The following MC2R variants were observed in gnomAD, a reference collection of about 807,000 sequenced individuals.
MC2R encodes the protein melanocortin 2 receptor.
Under a neutral mutation model 9.8 loss-of-function variants are expected in MC2R, and 9 were observed. The observed-to-expected ratio is 0.92, with a 90% confidence interval of 0.55 to 1.60. The LOEUF (loss-of-function observed/expected upper bound fraction) is 1.60, where lower values mean the gene tolerates loss of function less well. Ranked by LOEUF, MC2R falls within the 40% of genes most tolerant of loss-of-function variation. The pLI is 0.00. For missense variants in MC2R, 370 were observed against 389.0 expected, an observed-to-expected ratio of 0.95 and a Z score of 0.41; for synonymous variants, 185 against 154.7, an observed-to-expected ratio of 1.20 and a Z score of -1.45.
At chr18:13,909,310 C>A (rs2045431563) in intron 1 of MC2R, among the ~76,000 whole-genome samples, 1 of 152,230 alleles carries the variant, frequency 6.6e-6, no homozygotes. Flanking sequence ...CATCAAGGGA[C>A]ACGCTATCAA....
At chr18:13,890,251 G>A (rs116214780) in intron 1 of MC2R, among the ~76,000 whole-genome samples, 1,885 of 152,276 alleles carry the variant, frequency 0.012, 24 homozygotes, top group African/African-American at 0.043. Context: ...GGCTGCAGGC[G>A]TCCTGGGGCC....
chr18:13,906,224 A>T (rs2045413433), intron 1 of MC2R, among the ~76,000 whole-genome samples: 1 of 152,272 alleles, frequency 6.6e-6, no homozygotes, highest in South Asian at 2.1e-4. Flanking sequence ...TATGGTACAC[A>T]TACATCATGG....
At chr18:13,906,667 C>CTG (rs2045416421) in intron 1 of MC2R, among the ~76,000 whole-genome samples, 1 of 152,244 alleles carries the variant, frequency 6.6e-6, no homozygotes, top group Admixed American at 6.5e-5. Context: ...TGAGAGCTGA[C>CTG]AAACAAATTC....
At chr18:13,887,474 C>T (rs184342229) in intron 1 of MC2R, among the ~76,000 whole-genome samples, 3 of 152,166 alleles carry the variant, frequency 2.0e-5, no homozygotes, top group East Asian at 1.9e-4. Flanking sequence ...GGGGAAGCAT[C>T]GGTGATGGGA....
Position 13,885,151 on chromosome 18 carries a change from A to G in MC2R, c.368T>C (p.Val123Ala). The change falls in exon 2 of 2, where the codon GTG becomes GCG. Residue 123 changes from valine (V) to alanine (A), a missense_variant. Val to Ala is a moderately conservative substitution (Grantham distance 64, BLOSUM62 0). Coordinates refer to ENST00000327606, the MANE Select transcript of MC2R (RefSeq NM_000529.2). ...GGTGATGTAGCGGTCCGCAGCAATC[A>G]CAGACAGGCTGAAGATGGAGCCAAG... ...SLLGSIFSLS[V>A]IAADRYITIF... is the part of the protein sequence containing the mutation. The G allele has an allele frequency of 6.2e-7, 1 of 1,614,194 alleles. No individual in the cohort carries two copies. Among genetic ancestry groups the G allele is most frequent in the Non-Finnish European group, 8.5e-7 (1 of 1,180,046 alleles).
At chr18:13,910,896 C>T (rs1358108142) in intron 1 of MC2R, among the ~76,000 whole-genome samples, 3 of 152,248 alleles carry the variant, frequency 2.0e-5, no homozygotes, top group African/African-American at 4.8e-5. Context: ...GTCTCTCCTA[C>T]AAAACCAACA....
chr18:13,886,728 C>T lies in MC2R; in HGVS notation c.-128-1082G>A, dbSNP rs566599056. 1.4e-4 allele frequency among the ~76,000 whole-genome samples: 21 copies of T among 152,250 alleles called. No individual in the cohort carries two copies. The East Asian group carries it at 2.1e-3, about 15-fold the overall frequency. ...ATTTTCTGTGTCTCTGGGGTGAAGGCGGACTGCGGCAGTGCACCAGTGGGG... is the reference window on the plus strand; with the variant it reads ...ATTTTCTGTGTCTCTGGGGTGAAGGTGGACTGCGGCAGTGCACCAGTGGGG... On this transcript the variant is annotated intron_variant, in intron 1 of 1. Transcript: ENST00000327606.
At chr18:13,896,249 T>C (rs2045345676) in intron 1 of MC2R, among the ~76,000 whole-genome samples, 1 of 152,184 alleles carries the variant, frequency 6.6e-6, no homozygotes, top group Admixed American at 6.5e-5. Context: ...TTTCTGGGGT[T>C]CCATTTGGTG....
chr18:13,901,762 C>A (rs188633789), intron 1 of MC2R, among the ~76,000 whole-genome samples: 1 of 152,156 alleles, frequency 6.6e-6, no homozygotes, highest in East Asian at 1.9e-4. Flanking sequence ...TAAAGAAAAG[C>A]CTGTGACCTA....
At chr18:13,888,704 G>A (rs2045293850) in intron 1 of MC2R, among the ~76,000 whole-genome samples, 1 of 152,208 alleles carries the variant, frequency 6.6e-6, no homozygotes. Context: ...AGTAGGATTT[G>A]TAAATTCTGC....
At position 13,884,130 on chromosome 18, in the gene MC2R, A is replaced by G. The variant is rs1243855212; in HGVS notation, c.*495T>C. On this transcript the variant is annotated 3_prime_UTR_variant, in exon 2 of 2. Transcript: ENST00000327606. The stretch of plus-strand genomic sequence containing the variant: ...TCCAATTTATTATTGGCTTACAGAG[A>G]CCCTACATCTTCTGCCTGGAGTCGC... 5.0e-6 allele frequency: 1 copy of G among 201,136 alleles called. No individual in the cohort carries two copies. Among genetic ancestry groups the G allele is most frequent in the Non-Finnish European group, 1.0e-5 (1 of 97,842 alleles). The allele number at this position is 201,136 out of a possible 1,614,324, so 12.5% of individuals were successfully genotyped here.
intron 1 of MC2R, among the ~76,000 whole-genome samples, chr18:13,892,119 C>T (rs1437956357): frequency 2.0e-5 from 3 of 152,272 alleles, no homozygotes; most frequent in African/African-American, 7.2e-5. Context: ...GGGCCCTTCA[C>T]CATCATGCAG....
At chr18:13,915,081 C>T (rs778863926) in intron 1 of MC2R, among the ~76,000 whole-genome samples, 18 of 152,222 alleles carry the variant, frequency 1.2e-4, no homozygotes, top group South Asian at 4.1e-4. Context: ...GTCTTTGTGG[C>T]GCTAAAACCC....
chr18:13,891,339 G>A (rs2045314599), intron 1 of MC2R, among the ~76,000 whole-genome samples: 1 of 152,108 alleles, frequency 6.6e-6, no homozygotes, highest in South Asian at 2.1e-4. Context: ...TGTATTGATA[G>A]TTATTTGGTT....
rs1440869825 is a variant in MC2R at position 13,882,447 on chromosome 18, A to T, written c.*2178T>A. 6.6e-6 allele frequency: 1 copy of T among 152,200 alleles called. No homozygotes were observed. The highest frequency in any genetic ancestry group is 1.5e-5 in the Non-Finnish European group (1 of 68,036). The allele number at this position is 152,200 out of a possible 1,614,324, so 9.4% of individuals were successfully genotyped here. On this transcript the variant is annotated 3_prime_UTR_variant, in exon 2 of 2. Transcript: ENST00000327606. ...CTCAGACTTCATTTTTGTTTCATCCACCATTAGACTAGCCATCTTCATTTT... is the reference window on the plus strand; with the variant it reads ...CTCAGACTTCATTTTTGTTTCATCCTCCATTAGACTAGCCATCTTCATTTT...
chr18:13,885,675 T>C (rs1473460422), intron 1 of MC2R, 29 bp from the exon 2 acceptor site: 6 of 776,334 alleles, frequency 7.7e-6, no homozygotes, highest in Non-Finnish European at 1.3e-5. Context: ...AAATATTAGT[T>C]GCAAAGTACA....
chr18:13,890,884 GA>G (rs2045312009), intron 1 of MC2R, among the ~76,000 whole-genome samples: 1 of 60,250 alleles, frequency 1.7e-5, no homozygotes, highest in Non-Finnish European at 3.6e-5. Flanking sequence ...CAATTGCTGA[GA>G]TGATGGGATT....
intron 1 of MC2R, among the ~76,000 whole-genome samples, chr18:13,914,970 A>G (rs1202765271): frequency 6.6e-6 from 1 of 152,230 alleles, no homozygotes; most frequent in Non-Finnish European, 1.5e-5. Context: ...AAAGGCACAG[A>G]AAGTGTGCGT....
chr18:13,893,376 G>C (rs544375112), intron 1 of MC2R, among the ~76,000 whole-genome samples: 32 of 152,320 alleles, frequency 2.1e-4, no homozygotes, highest in Admixed American at 1.5e-3. Flanking sequence ...AGACTCATCT[G>C]AAGTGCAGAT....
Sources: allele counts gnomAD v4.1 joint callset (sites outside exome capture counted in the v4.1 genomes callset), GRCh38; gene constraint gnomAD v4.1.1; transcripts MANE v1.5; gene names NCBI Gene and HGNC (gene_info 2026-07-23, HGNC 2026-07-21).